The following GAREM1 variants were observed in gnomAD, a reference collection of about 807,000 sequenced individuals.
GAREM1 encodes the protein GRB2 associated regulator of MAPK1 subtype 1, also known as GRB2-associated and regulator of MAPK protein 1.
A neutral mutation model predicts 71.3 loss-of-function variants in GAREM1; 26 were observed. The observed-to-expected ratio is 0.36, with a 90% confidence interval of 0.27 to 0.51. GAREM1 has a LOEUF of 0.51. Ranked by LOEUF, GAREM1 falls within the 20% of genes least tolerant of loss-of-function variation. The pLI, the probability that GAREM1 is intolerant of heterozygous loss-of-function variation, is 0.95. For synonymous variants in GAREM1, 440 were observed against 433.2 expected (o/e 1.02, Z -0.20); for missense variants, 1,026 against 1,103.1 (o/e 0.93, Z 0.99).
chr18:32,310,394 C>T, intron 2 of GAREM1, 71 bp from the exon 3 acceptor site: 1 of 1,516,722 alleles, frequency 6.6e-7, no homozygotes, highest in South Asian at 1.2e-5. Context: ...GCAACAACAT[C>T]CTCTCTCTTT....
intron 1 of GAREM1, among the ~76,000 whole-genome samples, chr18:32,441,325 A>G (rs1337994653): frequency 6.6e-6 from 1 of 151,350 alleles, no homozygotes; most frequent in Non-Finnish European, 1.5e-5. Flanking sequence ...AACAACGTCT[A>G]GCATAAAATG....
In GAREM1 at chr18:32,332,987, A is replaced by T. The variant is rs369862931; in HGVS notation, c.263-22664T>A. ...GAGAGGAGGGTGCCGTTAGGGGAGA[A>T]TTTTTTTTTTTTCTTTAGAGAAGCT... On this transcript the variant is annotated intron_variant, in intron 2 of 5. Coordinates refer to ENST00000269209, the MANE Select transcript of GAREM1 (RefSeq NM_001242409.2). 1.4e-3 allele frequency among the ~76,000 whole-genome samples: 206 copies of T among 147,894 alleles called. 1 individual carries two copies. The highest frequency in any genetic ancestry group is 4.8e-3 in the African/African-American group (193 of 40,510).
intron 2 of GAREM1, among the ~76,000 whole-genome samples, chr18:32,342,867 C>G (rs1221937239): frequency 6.6e-6 from 1 of 152,234 alleles, no homozygotes; most frequent in Non-Finnish European, 1.5e-5. Flanking sequence ...CCGACCCACT[C>G]TAGCCACAGT....
intron 1 of GAREM1, among the ~76,000 whole-genome samples, chr18:32,407,550 T>C (rs920423651): frequency 6.6e-6 from 1 of 152,250 alleles, no homozygotes; most frequent in African/African-American, 2.4e-5. Context: ...CTGGATGCCA[T>C]GTTTTTTCTT....
chr18:32,384,906 T>C (rs745655389), intron 2 of GAREM1, among the ~76,000 whole-genome samples: 12 of 152,276 alleles, frequency 7.9e-5, no homozygotes, highest in Admixed American at 3.3e-4. Flanking sequence ...GAAAGATACA[T>C]TTACCCTCTA....
intron 2 of GAREM1, among the ~76,000 whole-genome samples, chr18:32,368,752 T>C: frequency 6.6e-6 from 1 of 152,204 alleles, no homozygotes; most frequent in Non-Finnish European, 1.5e-5. Flanking sequence ...TTTTCTTTCT[T>C]TCTCTCTCTC....
At position 32,268,348 on chromosome 18, in the gene GAREM1, C is replaced by T. The variant is rs760751054; in HGVS notation, c.2154G>A (p.Gln718=). 9 of 1,614,034 alleles carry T rather than the reference C, an allele frequency of 5.6e-6. No individual in the cohort carries two copies. In the Admixed American group the frequency reaches 1.3e-4, roughly 24 times the overall value. The change falls in exon 6 of 6, where the codon CAG becomes CAA. Residue 718 remains glutamine (Q), a synonymous_variant. Coordinates refer to ENST00000269209, the MANE Select transcript of GAREM1 (RefSeq NM_001242409.2). ...VKSLAAGVTK[Q]STSCPALPPR... is the part of the protein sequence containing the mutation. Reference sequence around the variant, plus strand: ...GGGGTAAGGCAGGGCATGACGTACTCTGCTTTGTCACACCAGCTGCAAGAG... The same window carrying T: ...GGGGTAAGGCAGGGCATGACGTACTTTGCTTTGTCACACCAGCTGCAAGAG...
At chr18:32,387,749 A>T (rs1026762193) in intron 2 of GAREM1, among the ~76,000 whole-genome samples, 2 of 152,204 alleles carry the variant, frequency 1.3e-5, no homozygotes, top group Non-Finnish European at 2.9e-5. Flanking sequence ...TCTTGTCACC[A>T]CCATTTCAGT....
At chr18:32,346,575 C>A (rs2047698841) in intron 2 of GAREM1, among the ~76,000 whole-genome samples, 1 of 152,150 alleles carries the variant, frequency 6.6e-6, no homozygotes, top group Non-Finnish European at 1.5e-5. Context: ...TCCAATACAA[C>A]CAAAGGATTT....
intron 2 of GAREM1, among the ~76,000 whole-genome samples, chr18:32,332,902 C>T (rs2047551499): frequency 6.6e-6 from 1 of 151,888 alleles, no homozygotes. Context: ...GTATCAGTGG[C>T]CAATATAGTG....
At chr18:32,388,517 G>T (rs2048168200) in intron 2 of GAREM1, among the ~76,000 whole-genome samples, 1 of 152,100 alleles carries the variant, frequency 6.6e-6, no homozygotes, top group Non-Finnish European at 1.5e-5. Flanking sequence ...TAATTATACA[G>T]CAGAGAAACT....
At chr18:32,427,461 A>G (rs998390862) in intron 1 of GAREM1, among the ~76,000 whole-genome samples, 3 of 152,200 alleles carry the variant, frequency 2.0e-5, no homozygotes, top group Non-Finnish European at 2.9e-5. Context: ...TGAGTTTGAC[A>G]TGGAAATTGA....
At chr18:32,269,385 C>T (rs1037254318) in intron 5 of GAREM1, among the ~76,000 whole-genome samples, 4 of 152,150 alleles carry the variant, frequency 2.6e-5, no homozygotes, top group Admixed American at 1.3e-4. Context: ...ACATGTGGAG[C>T]GGTAGCTTAG....
At chr18:32,376,929 T>G (rs2048035932) in intron 2 of GAREM1, among the ~76,000 whole-genome samples, 1 of 152,140 alleles carries the variant, frequency 6.6e-6, no homozygotes, top group African/African-American at 2.4e-5. Flanking sequence ...GACACTTACA[T>G]GATGTTTAGT....
intron 4 of GAREM1, among the ~76,000 whole-genome samples, chr18:32,277,843 G>A (rs2041562427): frequency 6.6e-6 from 1 of 152,226 alleles, no homozygotes; most frequent in South Asian, 2.1e-4. Flanking sequence ...ATCATTGCAT[G>A]AGTGGAAAGC....
intron 2 of GAREM1, among the ~76,000 whole-genome samples, chr18:32,371,296 G>T (rs979421158): frequency 2.0e-5 from 3 of 152,138 alleles, no homozygotes; most frequent in Non-Finnish European, 4.4e-5. Flanking sequence ...AAGAATTTAT[G>T]CCAAAAGTTA....
chr18:32,309,896 G>C (rs534427988), intron 3 of GAREM1, among the ~76,000 whole-genome samples: 3 of 151,696 alleles, frequency 2.0e-5, no homozygotes, highest in East Asian at 3.9e-4. Flanking sequence ...CTAAACAACT[G>C]TTACATATTA....
intron 3 of GAREM1, among the ~76,000 whole-genome samples, chr18:32,291,733 C>T (rs1056516310): frequency 6.6e-6 from 1 of 150,944 alleles, no homozygotes; most frequent in African/African-American, 2.4e-5. Flanking sequence ...TGAGTCAGAA[C>T]ATGCAGTGTT....
chr18:32,442,753 T>C (rs2048750899), intron 1 of GAREM1, among the ~76,000 whole-genome samples: 2 of 152,144 alleles, frequency 1.3e-5, no homozygotes, highest in African/African-American at 4.8e-5. Flanking sequence ...AAGAGGCTGA[T>C]GGGAAGAGAG....
Sources: allele counts gnomAD v4.1 joint callset (sites outside exome capture counted in the v4.1 genomes callset), GRCh38; gene constraint gnomAD v4.1.1; transcripts MANE v1.5; gene names NCBI Gene and HGNC (gene_info 2026-07-23, HGNC 2026-07-21).